The following NCOR1 variants were observed in gnomAD, a reference collection of about 807,000 sequenced individuals.
NCOR1 encodes protein phosphatase 1, regulatory subunit 109.
NCOR1 carries 63 observed loss-of-function variants against 288.1 expected under a neutral mutation model. The observed-to-expected ratio is 0.22, with a 90% confidence interval of 0.18 to 0.27. The LOEUF (loss-of-function observed/expected upper bound fraction) is 0.27. Among genes scored for constraint, NCOR1 ranks in the 10% least tolerant of loss-of-function variants. The pLI, the probability that NCOR1 is intolerant of heterozygous loss-of-function variation, is 1.00. For synonymous variants in NCOR1, 1,007 were observed against 1,065.9 expected, an observed-to-expected ratio of 0.94 and a Z score of 1.08; for missense variants, 2,397 against 3,019.2, an observed-to-expected ratio of 0.79 and a Z score of 4.83.
chr17:16,207,739 CAAAAAAA>C (rs200123318), intron 1 of NCOR1, among the ~76,000 whole-genome samples: 2 of 61,042 alleles, frequency 3.3e-5, no homozygotes, highest in African/African-American at 1.2e-4. Flanking sequence ...ACTCCATCTC[CAAAAAAA>C]AAAAAAAAAG....
intron 23 of NCOR1, among the ~76,000 whole-genome samples, chr17:16,081,194 G>C (rs770484595): frequency 6.4e-5 from 9 of 139,856 alleles, no homozygotes; most frequent in Non-Finnish European, 1.4e-4. Context: ...CTTTTCTTTT[G>C]TTTTTTTTGT....
intron 26 of NCOR1, among the ~76,000 whole-genome samples, 162 bp downstream of exon 26, chr17:16,079,802 C>T (rs2063119104): frequency 6.6e-6 from 1 of 152,168 alleles, no homozygotes; most frequent in Non-Finnish European, 1.5e-5. Context: ...AAAATGATCA[C>T]ATTAACGTCT....
At chr17:16,196,690 T>A (rs1372523190) in intron 1 of NCOR1, among the ~76,000 whole-genome samples, 13 of 151,412 alleles carry the variant, frequency 8.6e-5, no homozygotes, top group Non-Finnish European at 1.8e-4. Context: ...CAGGGCGTGG[T>A]GGCGGGTGCC....
At chr17:16,092,689 ATATATATTTTTTTT>A (rs1439345548) in intron 21 of NCOR1, among the ~76,000 whole-genome samples, 113 of 11,028 alleles carry the variant, frequency 0.01, 5 homozygotes, top group African/African-American at 0.024. Flanking sequence ...ATATATATAT[ATATATATTTTTTTT>A]TTTTTTTTTT....
intron 21 of NCOR1, among the ~76,000 whole-genome samples, chr17:16,092,401 C>T (rs1252670827): frequency 6.6e-6 from 1 of 151,822 alleles, no homozygotes; most frequent in Non-Finnish European, 1.5e-5. Context: ...ACATGAGAAT[C>T]ACTTGAGCCT....
At chr17:16,112,321 T>C (rs1015327945) in intron 18 of NCOR1, among the ~76,000 whole-genome samples, 4 of 152,222 alleles carry the variant, frequency 2.6e-5, no homozygotes, top group African/African-American at 7.2e-5. Context: ...TCTCACATTC[T>C]TATTATTAAC....
chr17:16,138,548 GGACTCCAGCTTAAGC>G (rs1229740491), intron 12 of NCOR1, among the ~76,000 whole-genome samples: 1 of 152,188 alleles, frequency 6.6e-6, no homozygotes, highest in Non-Finnish European at 1.5e-5. Context: ...TCACAACACT[GGACTCCAGCTTAAGC>G]GACAGAGCGA....
chr17:16,058,076 C>T lies in NCOR1; in HGVS notation c.6011-12G>A. 6.2e-7 allele frequency: 1 copy of T among 1,613,330 alleles called. No individual in the cohort carries two copies. Among genetic ancestry groups the T allele is most frequent in the Non-Finnish European group, 8.5e-7 (1 of 1,179,446 alleles). On this transcript the variant is annotated splice_polypyrimidine_tract_variant and intron_variant, in intron 38 of 45. Coordinates refer to ENST00000268712, the MANE Select transcript of NCOR1 (RefSeq NM_006311.4). Reference sequence around the variant, plus strand: ...TCTGGTAGGATCATCTAGGAGAGAACACATAGATGTCTTACTCCAGGAATG... The same window carrying T: ...TCTGGTAGGATCATCTAGGAGAGAATACATAGATGTCTTACTCCAGGAATG...
Position 16,207,739 on chromosome 17 carries a change from C to CAA in NCOR1, c.-71+7621_-71+7622dup, listed in dbSNP as rs200123318. 7.4e-3 allele frequency among the ~76,000 whole-genome samples: 449 copies of CAA among 61,024 alleles called. 8 individuals are homozygous for CAA. The highest frequency in any genetic ancestry group is 0.025 in the African/African-American group (423 of 16,924). 40.0% of individuals were successfully genotyped at this position (61,024 alleles called of 152,430 possible). ...CTGGGTGAGAGCGAGACTCCATCTC[C>CAA]AAAAAAAAAAAAAAAAGAAAAGAAA... On this transcript the variant is annotated intron_variant, in intron 1 of 45. Coordinates refer to ENST00000268712, the MANE Select transcript of NCOR1 (RefSeq NM_006311.4).
chr17:16,110,968 AATTT>A (rs1445482885), intron 18 of NCOR1, among the ~76,000 whole-genome samples: 6 of 152,130 alleles, frequency 3.9e-5, no homozygotes, highest in Non-Finnish European at 1.5e-5. Context: ...AACTACTTTT[AATTT>A]ATTTGTTTGT....
chr17:16,208,337 C>A (rs1047462845), intron 1 of NCOR1, among the ~76,000 whole-genome samples: 3 of 149,304 alleles, frequency 2.0e-5, no homozygotes, highest in Admixed American at 1.4e-4. Flanking sequence ...GGATTACAGG[C>A]GTGAGCCACC....
chr17:16,106,856 T>C (rs181909957), intron 19 of NCOR1, among the ~76,000 whole-genome samples: 37 of 26,882 alleles, frequency 1.4e-3, no homozygotes, highest in African/African-American at 6.8e-3. Flanking sequence ...TGATCAGACA[T>C]ATATATATAT....
chr17:16,189,499 A>C (rs564643693), intron 2 of NCOR1, among the ~76,000 whole-genome samples: 48 of 152,198 alleles, frequency 3.2e-4, no homozygotes, highest in Non-Finnish European at 6.3e-4. Flanking sequence ...ATGAAAGCTA[A>C]GAGAGAACTG....
intron 44 of NCOR1, among the ~76,000 whole-genome samples, chr17:16,038,435 C>T (rs1446862487): frequency 9.4e-5 from 14 of 149,334 alleles, no homozygotes; most frequent in Non-Finnish European, 5.9e-5. Flanking sequence ...TTTTCCTACT[C>T]TTTTTTTTTT....
intron 6 of NCOR1, among the ~76,000 whole-genome samples, chr17:16,156,547 T>C (rs2079839533): frequency 7.3e-6 from 1 of 137,240 alleles, no homozygotes; most frequent in South Asian, 2.3e-4. Flanking sequence ...AGAAGAAAAA[T>C]GAAAGAAAAA....
chr17:16,119,363 T>A, intron 17 of NCOR1, 60 bp downstream of exon 17: 1 of 1,246,074 alleles, frequency 8.0e-7, no homozygotes, highest in South Asian at 1.3e-5. Context: ...ATCTCACTCA[T>A]TACTAATAAC....
At chr17:16,149,560 C>A in intron 8 of NCOR1, 43 bp from the exon 9 acceptor site, 1 of 985,610 alleles carries the variant, frequency 1.0e-6, no homozygotes, top group East Asian at 2.7e-5. Flanking sequence ...AGAAAAAGCA[C>A]AATTTAATAA....
Position 16,070,215 on chromosome 17 carries a change from T to A in NCOR1, c.4463A>T (p.Tyr1488Phe). 6.2e-7 allele frequency: 1 copy of A among 1,613,924 alleles called. No homozygotes were observed. The highest frequency in any genetic ancestry group is 8.5e-7 in the Non-Finnish European group (1 of 1,179,994). The change falls in exon 31 of 46, where the codon TAT becomes TTT. Residue 1488 changes from tyrosine (Y) to phenylalanine (F), a missense_variant. Transcript: ENST00000268712. ...TGAGCCTCTGGACATGGTGTTTTGATAACTCACAGGGGTCCTCCGTGCACT... is the reference window on the plus strand; with the variant it reads ...TGAGCCTCTGGACATGGTGTTTTGAAAACTCACAGGGGTCCTCCGTGCACT... ...DTSARRTPVS[Y>F]QNTMSRGSPM...
chr17:16,057,246 A>C lies in NCOR1; in HGVS notation c.6392+268T>G, dbSNP rs551301192. The C allele has an allele frequency of 9.3e-6, 4 of 430,822 alleles. No homozygotes were observed. In the South Asian group the frequency reaches 1.0e-4, roughly 11 times the overall value. The allele number at this position is 430,822 out of a possible 1,614,324, so 26.7% of individuals were successfully genotyped here. A position where few individuals can be genotyped will look rare whatever the true frequency, so the allele number is the denominator to read the frequency against. On this transcript the variant is annotated intron_variant, in intron 40 of 45. Coordinates refer to ENST00000268712, the MANE Select transcript of NCOR1 (RefSeq NM_006311.4). ...ACTGAAGTGTCCCCAAACCACTACC[A>C]AACTACACATTCTTCTTAACTGTCT... is the stretch of plus-strand genomic sequence containing the variant.
Sources: allele counts gnomAD v4.1 joint callset (sites outside exome capture counted in the v4.1 genomes callset), GRCh38; gene constraint gnomAD v4.1.1; transcripts MANE v1.5; gene names NCBI Gene and HGNC (gene_info 2026-07-23, HGNC 2026-07-21).